The following GPR174 variants were observed in gnomAD, a reference collection of about 807,000 sequenced individuals.
GPR174 encodes G protein-coupled receptor 174.
GPR174 carries 8 observed loss-of-function variants against 16.5 expected under a neutral mutation model. That is an observed-to-expected ratio of 0.48 (90% confidence interval 0.28 to 0.87). The LOEUF is 0.87. GPR174 is among the 40% of genes least tolerant of loss of function. GPR174 has a pLI of 0.09. For synonymous variants in GPR174, 111 were observed against 94.8 expected (o/e 1.17, Z -0.99); for missense variants, 214 against 247.5 (o/e 0.86, Z 0.91).
At chrX:79,168,000 T>C (rs1367682622) in intron 2 of GPR174, among the ~76,000 whole-genome samples, 1 of 112,151 alleles carries the variant, frequency 8.9e-6, no homozygotes, top group African/African-American at 3.2e-5. Flanking sequence ...GCAAAACTGG[T>C]GAATTTCCTA....
At chrX:79,157,138 A>C (rs949534064) in intron 2 of GPR174, among the ~76,000 whole-genome samples, 2 of 111,658 alleles carry the variant, frequency 1.8e-5, no homozygotes, top group African/African-American at 6.5e-5. Flanking sequence ...TATTTGATAA[A>C]ATGTGGCATT....
rs1174620976 is a variant in GPR174, at chrX:79,166,432, C to CTTTTTTTTTT, written c.-556-4003_-556-3994dup. Among the ~76,000 whole-genome samples the CTTTTTTTTTT allele has an allele frequency of 1.6e-3, 68 of 43,623 alleles. 2 individuals carry two copies. Among genetic ancestry groups the CTTTTTTTTTT allele is most frequent in the South Asian group, 2.8e-3 (1 of 359 alleles). The allele number at this position is 43,623 out of a possible 115,157, so 37.9% of individuals were successfully genotyped here. On this transcript the variant is annotated intron_variant, in intron 2 of 2. Transcript: ENST00000645147. ...GGATCTTTTTTTTCTTTTCTTTTTT[C>CTTTTTTTTTT]TTTTTTTTTTTTTTTTTTTTTTTTT...
At chrX:79,160,333 G>C (rs1921206988) in intron 2 of GPR174, among the ~76,000 whole-genome samples, 1 of 111,544 alleles carries the variant, frequency 9.0e-6, no homozygotes, top group Non-Finnish European at 1.9e-5. Flanking sequence ...TGCATGTTCT[G>C]AGTGTAATTC....
chrX:79,152,964 C>T (rs1921013031), intron 1 of GPR174, among the ~76,000 whole-genome samples: 1 of 112,031 alleles, frequency 8.9e-6, no homozygotes. Flanking sequence ...GACAAATTTC[C>T]CTTTGCACAT....
intron 2 of GPR174, among the ~76,000 whole-genome samples, chrX:79,162,098 G>T (rs1921248696): frequency 8.9e-6 from 1 of 111,954 alleles, no homozygotes; most frequent in South Asian, 3.7e-4. Flanking sequence ...TTTCTAGTTG[G>T]ATGATTTTTT....
At chrX:79,153,679 A>G (rs767135861) in intron 1 of GPR174, among the ~76,000 whole-genome samples, 1 of 112,064 alleles carries the variant, frequency 8.9e-6, no homozygotes, top group South Asian at 3.7e-4. Flanking sequence ...GATGTAAAAA[A>G]TTGACAGTCT....
Position 79,174,071 on chromosome X carries a change from G to T in GPR174, c.*2062G>T, listed in dbSNP as rs1921581554. On this transcript the variant is annotated 3_prime_UTR_variant, in exon 3 of 3. Transcript: ENST00000645147. The stretch of plus-strand genomic sequence containing the variant: ...ATTGATTTGATTTAATTAACATATT[G>T]ATTTCACTTTGACTATATTTTTCTT... The T allele has an allele frequency of 9.0e-6, 1 of 110,801 alleles. No individual in the cohort carries two copies. Among genetic ancestry groups the T allele is most frequent in the Admixed American group, 9.6e-5 (1 of 10,364 alleles). 9.1% of individuals were successfully genotyped at this position (110,801 alleles called of 1,213,427 possible).
rs1921554033 is a variant in GPR174, at chrX:79,172,893, T to C, written c.*884T>C. On this transcript the variant is annotated 3_prime_UTR_variant, in exon 3 of 3. Coordinates refer to ENST00000645147, the MANE Select transcript of GPR174 (RefSeq NM_032553.3). ...CGCCTAGTAGAGGAAGTTTTTATCA[T>C]GTTTCTAGAGATACATTGAGGTAAT... The C allele has an allele frequency of 8.9e-6, 1 of 111,916 alleles. No individual in the cohort carries two copies. The highest frequency in any genetic ancestry group is 1.9e-5 in the Non-Finnish European group (1 of 53,153). The allele number at this position is 111,916 out of a possible 1,213,427, so 9.2% of individuals were successfully genotyped here.
At chrX:79,167,415 A>G (rs1319760829) in intron 2 of GPR174, among the ~76,000 whole-genome samples, 3 of 111,820 alleles carry the variant, frequency 2.7e-5, no homozygotes, top group African/African-American at 3.3e-5. Context: ...AAGAATAAAA[A>G]TAGACCCTGA....
chrX:79,151,596 A>G (rs977516924), intron 1 of GPR174, among the ~76,000 whole-genome samples: 1 of 111,728 alleles, frequency 9.0e-6, no homozygotes, highest in African/African-American at 3.2e-5. Flanking sequence ...TTGAGAATCA[A>G]GAGAGTTGGT....
intron 1 of GPR174, among the ~76,000 whole-genome samples, chrX:79,149,963 A>T (rs752512815): frequency 9.0e-6 from 1 of 110,713 alleles, no homozygotes; most frequent in South Asian, 3.8e-4. Context: ...CTTGTTAATG[A>T]CTGATTTAGT....
At position 79,172,020 on chromosome X, in the gene GPR174, CA is replaced by C. The variant is rs2147462264; in HGVS notation, c.*14del. On this transcript the variant is annotated 3_prime_UTR_variant, in exon 3 of 3. Transcript: ENST00000645147. ...CCTGAATTATGCTAAAACAAAAAAC[CA>C]AACTGAATGTGACCTGAAATGCAAG... 2.6e-6 allele frequency: 3 copies of C among 1,173,016 alleles called. No homozygotes were observed. In the East Asian group the frequency reaches 9.0e-5, roughly 35 times the overall value.
chrX:79,162,363 G>C (rs1001539190), intron 2 of GPR174, among the ~76,000 whole-genome samples: 2 of 109,954 alleles, frequency 1.8e-5, no homozygotes, highest in African/African-American at 6.6e-5. Context: ...GGGGAGAGGA[G>C]AGACAAGGGT....
intron 2 of GPR174, among the ~76,000 whole-genome samples, chrX:79,168,061 T>C (rs4826092): frequency 0.11 from 12,177 of 111,975 alleles, 611 homozygotes; most frequent in Admixed American, 0.16. Flanking sequence ...ACTTTGAAGA[T>C]TTTCAAAAGT....
intron 2 of GPR174, among the ~76,000 whole-genome samples, chrX:79,165,306 C>CAA (rs34381509): frequency 1.9e-4 from 13 of 68,433 alleles, no homozygotes; most frequent in African/African-American, 6.6e-4. Context: ...AGCACTAAGA[C>CAA]AAAAAAAAAA....
At position 79,170,604 on chromosome X, in the gene GPR174, G is replaced by A. The variant is rs989029923; in HGVS notation, c.-404G>A. ...CTATGTGAGCCAAAAAAAGAAAAACGGCCTGCCAGACACCTGTAAAGAGAA... is the reference window on the plus strand; with the variant it reads ...CTATGTGAGCCAAAAAAAGAAAAACAGCCTGCCAGACACCTGTAAAGAGAA... On this transcript the variant is annotated 5_prime_UTR_variant, in exon 3 of 3. Coordinates refer to ENST00000645147, the MANE Select transcript of GPR174 (RefSeq NM_032553.3). 11 of 124,468 alleles carry A rather than the reference G, an allele frequency of 8.8e-5. No individual in the cohort carries two copies. The highest frequency in any genetic ancestry group is 1.3e-4 in the Non-Finnish European group (8 of 61,339). 10.3% of individuals were successfully genotyped at this position (124,468 alleles called of 1,213,427 possible).
rs753279581 is a variant in GPR174, at chrX:79,175,097, G to A, written c.*3088G>A. ...AGTTAAGCAGCCAATTCTGTTAGCT[G>A]GTAATTCCACAAAGAGAAGCCATCT... On this transcript the variant is annotated 3_prime_UTR_variant, in exon 3 of 3. Coordinates refer to ENST00000645147, the MANE Select transcript of GPR174 (RefSeq NM_032553.3). 1 of 110,998 alleles carries A rather than the reference G, an allele frequency of 9.0e-6. No homozygotes were observed. Among genetic ancestry groups the A allele is most frequent in the Non-Finnish European group, 1.9e-5 (1 of 52,978 alleles). 9.1% of individuals were successfully genotyped at this position (110,998 alleles called of 1,213,427 possible).
At chrX:79,158,175 CTT>C (rs367923879) in intron 2 of GPR174, among the ~76,000 whole-genome samples, 8 of 97,505 alleles carry the variant, frequency 8.2e-5, no homozygotes, top group African/African-American at 2.6e-4. Flanking sequence ...GTTTTCTTTT[CTT>C]TTTTTTTTTG....
chrX:79,175,281 T>A lies in GPR174; in HGVS notation c.*3272T>A, dbSNP rs1053099072. On this transcript the variant is annotated 3_prime_UTR_variant, in exon 3 of 3. Transcript: ENST00000645147. The stretch of plus-strand genomic sequence containing the variant: ...TTATGGCTATAACTTATAATATTCA[T>A]TTTAATAATAAAGATTGTCTTTGTA... The A allele has an allele frequency of 8.9e-6, 1 of 112,253 alleles. No individual in the cohort carries two copies. The highest frequency in any genetic ancestry group is 3.2e-5 in the African/African-American group (1 of 30,855). The allele number at this position is 112,253 out of a possible 1,213,427, so 9.3% of individuals were successfully genotyped here. A position where few individuals can be genotyped will look rare whatever the true frequency, so the allele number is the denominator to read the frequency against.
Sources: gnomAD v4.1 joint callset for allele counts (sites outside exome capture counted in the v4.1 genomes callset) on GRCh38, gnomAD v4.1.1 for gene constraint, MANE v1.5 for transcripts, NCBI Gene and HGNC (gene_info 2026-07-23, HGNC 2026-07-21) for gene names.